RPTOR: variants seen among roughly 807,000 people sequenced by gnomAD.
RPTOR encodes the protein regulatory associated protein of MTOR complex 1.
In RPTOR, 21 loss-of-function variants were observed where a neutral mutation model predicts 169.9. That is an observed-to-expected ratio of 0.12 (90% CI 0.09 to 0.18). The LOEUF is 0.18. Ranked by LOEUF, RPTOR falls within the 10% of genes least tolerant of loss-of-function variation. The pLI, the probability that RPTOR is intolerant of heterozygous loss-of-function variation, is 1.00. For synonymous variants in RPTOR, 732 were observed against 753.2 expected (o/e 0.97, Z 0.46); for missense variants, 1,133 against 1,855.9 (o/e 0.61, Z 7.16).
At chr17:80,575,678 C>A (rs1169039976) in intron 1 of RPTOR, among the ~76,000 whole-genome samples, 2 of 152,164 alleles carry the variant, frequency 1.3e-5, no homozygotes, top group Non-Finnish European at 2.9e-5. Context: ...GAACACGATG[C>A]GTGTCTACAG....
At chr17:80,560,435 G>T (rs2084466772) in intron 1 of RPTOR, among the ~76,000 whole-genome samples, 1 of 152,238 alleles carries the variant, frequency 6.6e-6, no homozygotes, top group Non-Finnish European at 1.5e-5. Flanking sequence ...TTCCTGCGTT[G>T]AAGGTGTTTT....
intron 21 of RPTOR, chr17:80,909,990 A>C (rs1350168312): frequency 2.0e-5 from 3 of 152,206 alleles, no homozygotes; most frequent in African/African-American, 7.2e-5. Context: ...AGCTCTGGGC[A>C]TTTGGCCTAC....
intron 20 of RPTOR, among the ~76,000 whole-genome samples, chr17:80,906,918 G>T (rs2068550654): frequency 6.6e-6 from 1 of 152,116 alleles, no homozygotes; most frequent in Non-Finnish European, 1.5e-5. Flanking sequence ...CTCACGGTGG[G>T]GGCGCGCACA....
At chr17:80,625,569 G>C (rs1182636258) in intron 1 of RPTOR, 122 bp from the exon 2 acceptor site, 3 of 718,796 alleles carry the variant, frequency 4.2e-6, no homozygotes, top group Non-Finnish European at 7.2e-6. Context: ...CGGAGGACTG[G>C]CTGGAGGGCA....
At chr17:80,556,498 A>C (rs1449930239) in intron 1 of RPTOR, among the ~76,000 whole-genome samples, 2 of 152,124 alleles carry the variant, frequency 1.3e-5, no homozygotes, top group Non-Finnish European at 2.9e-5. Context: ...TGAGTAATAG[A>C]GTGACACCCT....
At chr17:80,791,913 C>T (rs371588123) in intron 7 of RPTOR, among the ~76,000 whole-genome samples, 7 of 152,054 alleles carry the variant, frequency 4.6e-5, no homozygotes, top group East Asian at 1.9e-4. Context: ...CCCCTCCCCC[C>T]CTGTCGCCAT....
At chr17:80,926,505 A>G (rs2068813628) in intron 24 of RPTOR, among the ~76,000 whole-genome samples, 1 of 152,246 alleles carries the variant, frequency 6.6e-6, no homozygotes, top group Non-Finnish European at 1.5e-5. Context: ...AGAGATGTAG[A>G]TGACTTCCGT....
At chr17:80,674,495 T>C (rs947952606) in intron 3 of RPTOR, among the ~76,000 whole-genome samples, 38 of 152,208 alleles carry the variant, frequency 2.5e-4, no homozygotes, top group Admixed American at 4.6e-4. Flanking sequence ...GGGTGGATAC[T>C]GGGGAAAACG....
chr17:80,649,096 A>G (rs2065619040), intron 3 of RPTOR, among the ~76,000 whole-genome samples: 1 of 152,252 alleles, frequency 6.6e-6, no homozygotes, highest in Non-Finnish European at 1.5e-5. Flanking sequence ...GTCAAGACGC[A>G]TAAATCAGTG....
chr17:80,665,465 T>TG (rs1567846489), intron 3 of RPTOR, among the ~76,000 whole-genome samples: 1 of 35,612 alleles, frequency 2.8e-5, no homozygotes, highest in African/African-American at 2.7e-4. Context: ...TTCCTTTCCT[T>TG]TCCTTTCCTT....
chr17:80,921,677 C>T (rs1402325962), intron 21 of RPTOR, among the ~76,000 whole-genome samples: 2 of 152,236 alleles, frequency 1.3e-5, no homozygotes, highest in Non-Finnish European at 2.9e-5. Context: ...CTGCAGGTGT[C>T]TGTGGCAGGA....
chr17:80,616,587 G>A (rs960107156), intron 1 of RPTOR, among the ~76,000 whole-genome samples: 3 of 152,152 alleles, frequency 2.0e-5, no homozygotes. Context: ...ATGAGCCACC[G>A]CACCCGGCCT....
chr17:80,753,951 A>G, intron 5 of RPTOR, 59 bp from the exon 6 acceptor site: 3 of 1,443,030 alleles, frequency 2.1e-6, no homozygotes, highest in African/African-American at 2.8e-5. Flanking sequence ...GCAGCTTACT[A>G]TTTGGTTGTG....
chr17:80,650,399 A>T (rs2143618195), intron 3 of RPTOR, among the ~76,000 whole-genome samples: 1 of 152,334 alleles, frequency 6.6e-6, no homozygotes, highest in South Asian at 2.1e-4. Context: ...GTAGGTCCGC[A>T]GAGTCGTGCT....
chr17:80,931,426 T>A (rs995173433), intron 24 of RPTOR, among the ~76,000 whole-genome samples: 1 of 152,108 alleles, frequency 6.6e-6, no homozygotes, highest in Non-Finnish European at 1.5e-5. Flanking sequence ...CCTGGACCAA[T>A]GGAGAATCTC....
intron 1 of RPTOR, among the ~76,000 whole-genome samples, chr17:80,620,158 A>G (rs1324137880): frequency 6.6e-6 from 1 of 152,236 alleles, no homozygotes; most frequent in Non-Finnish European, 1.5e-5. Flanking sequence ...GTCCAAGGCC[A>G]TGCATTGTTA....
intron 3 of RPTOR, among the ~76,000 whole-genome samples, chr17:80,701,389 C>G (rs1172527709): frequency 6.6e-6 from 1 of 152,128 alleles, no homozygotes; most frequent in Non-Finnish European, 1.5e-5. Flanking sequence ...TTTTGTTTCT[C>G]TGTATTTTAC....
At chr17:80,773,498 C>T (rs922311396) in intron 6 of RPTOR, among the ~76,000 whole-genome samples, 10 of 152,202 alleles carry the variant, frequency 6.6e-5, no homozygotes. Flanking sequence ...AATTGTTGGA[C>T]TTAAAGTTTG....
intron 21 of RPTOR, among the ~76,000 whole-genome samples, chr17:80,911,888 T>G (rs1177360941): frequency 6.6e-6 from 1 of 152,120 alleles, no homozygotes; most frequent in Non-Finnish European, 1.5e-5. Flanking sequence ...GAAAAGAAAG[T>G]CATAAGACTG....
Sources: gnomAD v4.1 joint callset for allele counts (sites outside exome capture counted in the v4.1 genomes callset) on GRCh38, gnomAD v4.1.1 for gene constraint, MANE v1.5 for transcripts, NCBI Gene and HGNC (gene_info 2026-07-23, HGNC 2026-07-21) for gene names.